SYTL2: variants seen among roughly 807,000 people sequenced by gnomAD.
SYTL2 encodes synaptotagmin-like protein 2.
In SYTL2, 165 loss-of-function variants were observed where a neutral mutation model predicts 198.7. That is an observed-to-expected ratio of 0.83 (90% CI 0.73 to 0.94). The LOEUF (loss-of-function observed/expected upper bound fraction) is 0.94, where lower values mean the gene tolerates loss of function less well. Ranked by LOEUF, SYTL2 falls within the 40% of genes least tolerant of loss-of-function variation. The probability of loss-of-function intolerance (pLI) is 0.00; values close to 1 mark genes in which losing one functional copy is unlikely to be tolerated. For missense variants in SYTL2, 2,835 were observed against 2,582.8 expected, an observed-to-expected ratio of 1.10 and a Z score of -2.12; for synonymous variants, 966 against 917.7, an observed-to-expected ratio of 1.05 and a Z score of -0.95.
intron 7 of SYTL2, among the ~76,000 whole-genome samples, chr11:85,730,746 C>T (rs1298174805): frequency 6.6e-6 from 1 of 151,732 alleles, no homozygotes; most frequent in East Asian, 1.9e-4. Context: ...CTGGCTAGGA[C>T]AATCAGGCAA....
At chr11:85,845,122 T>G in the SYTL2 span, among the ~76,000 whole-genome samples, 1 of 152,238 alleles carries the variant, frequency 6.6e-6, no homozygotes, top group South Asian at 2.1e-4. Flanking sequence ...TCTCAATTCC[T>G]CTGGAAAATT....
At chr11:85,765,281 C>A (rs773516738) in intron 1 of SYTL2, among the ~76,000 whole-genome samples, 1 of 152,136 alleles carries the variant, frequency 6.6e-6, no homozygotes, top group Non-Finnish European at 1.5e-5. Flanking sequence ...CTGTCACCCA[C>A]GCTGGAGTGC....
intron 2 of SYTL2, 64 bp from the exon 3 acceptor site, chr11:85,748,487 C>T (rs999306816): frequency 6.5e-7 from 1 of 1,530,132 alleles, no homozygotes; most frequent in Non-Finnish European, 9.0e-7. Context: ...TTCATTATGA[C>T]ACCGCATAAA....
the SYTL2 span, chr11:85,853,859 C>G: frequency 6.6e-6 from 1 of 152,084 alleles, no homozygotes; most frequent in African/African-American, 2.4e-5. Context: ...CAGGTACATA[C>G]TCTTTCTTTC....
At chr11:85,828,593 C>T in the SYTL2 span, among the ~76,000 whole-genome samples, 2 of 152,166 alleles carry the variant, frequency 1.3e-5, no homozygotes, top group African/African-American at 4.8e-5. Context: ...GGAAAACTAC[C>T]TGGAAGGATA....
intron 2 of SYTL2, among the ~76,000 whole-genome samples, chr11:85,749,003 T>C (rs1357423992): frequency 6.6e-6 from 1 of 152,154 alleles, no homozygotes; most frequent in Non-Finnish European, 1.5e-5. Context: ...CTGATGCTTA[T>C]TGTTAGGGAA....
chr11:85,783,899 T>C (rs567043136), intron 1 of SYTL2, among the ~76,000 whole-genome samples: 30 of 152,306 alleles, frequency 2.0e-4, no homozygotes, highest in Non-Finnish European at 3.2e-4. Flanking sequence ...CCTTTCTCTA[T>C]GATCCCTGCA....
At chr11:85,797,911 T>C (rs1167851669) in intron 1 of SYTL2, among the ~76,000 whole-genome samples, 1 of 152,048 alleles carries the variant, frequency 6.6e-6, no homozygotes, top group Non-Finnish European at 1.5e-5. Flanking sequence ...TGGAGTGCAG[T>C]GGTGCAATGT....
intron 16 of SYTL2, among the ~76,000 whole-genome samples, chr11:85,704,395 T>G (rs1328862107): frequency 1.3e-5 from 2 of 151,998 alleles, no homozygotes; most frequent in Non-Finnish European, 2.9e-5. Flanking sequence ...TCAAAAATAA[T>G]AAAACTAAAA....
intron 1 of SYTL2, among the ~76,000 whole-genome samples, chr11:85,802,775 G>C (rs1174542710): frequency 6.6e-6 from 1 of 152,232 alleles, no homozygotes; most frequent in Non-Finnish European, 1.5e-5. Flanking sequence ...ACCCCATCTT[G>C]TGAGAAAATG....
rs2088320170 is a variant in SYTL2 at position 85,721,616 on chromosome 11, A to ATTAC, written c.5327-661_5327-658dup. 3.3e-5 allele frequency among the ~76,000 whole-genome samples: 5 copies of ATTAC among 152,314 alleles called. No homozygotes were observed. The South Asian group carries it at 1.0e-3, about 32-fold the overall frequency. ...TGAATAAGCTTAAGTACTGACATTT[A>ATTAC]TTACTGCTGTATTCTCAGTGCCTAG... On this transcript the variant is annotated intron_variant, in intron 8 of 19. Coordinates refer to ENST00000359152, the MANE Select transcript of SYTL2 (RefSeq NM_206927.4).
chr11:85,714,851 T>C lies in SYTL2; in HGVS notation c.5531-344A>G, dbSNP rs1053940533. On this transcript the variant is annotated intron_variant, in intron 11 of 19. Transcript: ENST00000359152. ...CAACAGAGCTTCAGACCACAAAGTC[T>C]GTACTTTATTGGTTCATCTCCTTGA... is the stretch of plus-strand genomic sequence containing the variant. 5 of 255,870 alleles carry C rather than the reference T, an allele frequency of 2.0e-5. 1 individual carries two copies. Among genetic ancestry groups the C allele is most frequent in the South Asian group, 6.9e-5 (1 of 14,590 alleles). 15.8% of individuals were successfully genotyped at this position (255,870 alleles called of 1,614,324 possible).
intron 1 of SYTL2, among the ~76,000 whole-genome samples, chr11:85,795,156 C>G (rs1476050107): frequency 6.6e-6 from 1 of 152,138 alleles, no homozygotes; most frequent in African/African-American, 2.4e-5. Flanking sequence ...CTTGTATTAG[C>G]TGTAATACTT....
intron 17 of SYTL2, among the ~76,000 whole-genome samples, 167 bp downstream of exon 17, chr11:85,700,348 C>A (rs878936249): frequency 1.1e-4 from 15 of 136,056 alleles, no homozygotes; most frequent in Admixed American, 1.5e-4. Context: ...GCCACAATAA[C>A]AAAAAAAGAA....
At chr11:85,784,799 T>A (rs747600701) in intron 1 of SYTL2, among the ~76,000 whole-genome samples, 2 of 152,020 alleles carry the variant, frequency 1.3e-5, no homozygotes, top group Non-Finnish European at 2.9e-5. Context: ...AAAAAATACA[T>A]CATCTTGAAT....
Position 85,727,904 on chromosome 11 carries a change from C to A in SYTL2, c.1454G>T (p.Arg485Leu). The change falls in exon 8 of 20, where the codon CGT becomes CTT. Residue 485 changes from arginine to leucine, a missense_variant. Transcript: ENST00000359152. ...SQVPGGSSRD[R>L]QQGKPPPLPA... ...GAGAGGAGGGGGCTTACCTTGCTGA[C>A]GGTCTCTAGAACTGCCACCTGGCAC... 1 of 1,613,752 alleles carries A rather than the reference C, an allele frequency of 6.2e-7. No individual in the cohort carries two copies.
the SYTL2 span, among the ~76,000 whole-genome samples, chr11:85,823,863 C>T: frequency 6.6e-6 from 1 of 152,350 alleles, no homozygotes; most frequent in African/African-American, 2.4e-5. Context: ...TCTACGTAAG[C>T]TCCAGTCATC....
chr11:85,738,235 T>C (rs369163989), intron 4 of SYTL2, among the ~76,000 whole-genome samples: 2 of 152,216 alleles, frequency 1.3e-5, no homozygotes, highest in Non-Finnish European at 1.5e-5. Flanking sequence ...GGGCTAGATG[T>C]TCCTGCAGCC....
the SYTL2 span, among the ~76,000 whole-genome samples, chr11:85,820,839 C>T: frequency 3.3e-5 from 5 of 152,176 alleles, no homozygotes; most frequent in Admixed American, 3.3e-4. Context: ...GGGCACTTTA[C>T]TAAATGCATG....
Sources: allele counts gnomAD v4.1 joint callset (sites outside exome capture counted in the v4.1 genomes callset), GRCh38; gene constraint gnomAD v4.1.1; transcripts MANE v1.5; gene names NCBI Gene and HGNC (gene_info 2026-07-23, HGNC 2026-07-21).